The following COL14A1 variants were observed in gnomAD, a reference collection of about 807,000 sequenced individuals.
COL14A1 encodes the protein collagen type XIV alpha 1 chain, also known as collagen alpha-1(XIV) chain.
A neutral mutation model predicts 230.3 loss-of-function variants in COL14A1; 136 were observed. The observed-to-expected ratio is 0.59, with a 90% CI of 0.51 to 0.68. The LOEUF (loss-of-function observed/expected upper bound fraction) is 0.68, where lower values mean the gene tolerates loss of function less well. COL14A1 is among the 30% of genes least tolerant of loss of function. The pLI is 0.00. For synonymous variants in COL14A1, 792 were observed against 784.1 expected (o/e 1.01, Z -0.17); for missense variants, 1,976 against 2,215.8 (o/e 0.89, Z 2.17).
chr8:120,136,082 T>C (rs1282216581), intron 1 of COL14A1, among the ~76,000 whole-genome samples: 2 of 152,096 alleles, frequency 1.3e-5, no homozygotes, highest in African/African-American at 4.8e-5. Flanking sequence ...TTCCCATTCT[T>C]TCTGCCTTTT....
At chr8:120,166,901 TGTGTGTGTGTGTGTGTGTGTG>T (rs890106665) in intron 4 of COL14A1, among the ~76,000 whole-genome samples, 10 of 149,402 alleles carry the variant, frequency 6.7e-5, no homozygotes, top group African/African-American at 2.5e-4. Context: ...TGTGTGTGTG[TGTGTGTGTGTGTGTGTGTGTG>T]GTGGTGATGA....
rs1049390811 is a variant in COL14A1 at position 120,291,578 on chromosome 8, A to C, written c.4236+1812A>C. Among the ~76,000 whole-genome samples the C allele has an allele frequency of 6.6e-5, 10 of 151,124 alleles. No homozygotes were observed. The East Asian group carries it at 9.7e-4, about 15-fold the overall frequency. Reference sequence around the variant, plus strand: ...CCATCTCAAAAAAAAAAAAAAAAAAAAAACCAAAAAACCACAAAGAAAGAG... The same window carrying C: ...CCATCTCAAAAAAAAAAAAAAAAAACAAACCAAAAAACCACAAAGAAAGAG... On this transcript the variant is annotated intron_variant, in intron 34 of 47. Transcript: ENST00000297848.
At chr8:120,165,470 G>T (rs1014354714) in intron 4 of COL14A1, among the ~76,000 whole-genome samples, 2 of 152,196 alleles carry the variant, frequency 1.3e-5, no homozygotes, top group African/African-American at 4.8e-5. Context: ...TCCAGCCTCA[G>T]TTTCTTCACC....
chr8:120,320,286 C>T (rs1213541959), intron 40 of COL14A1, among the ~76,000 whole-genome samples: 1 of 152,134 alleles, frequency 6.6e-6, no homozygotes, highest in Non-Finnish European at 1.5e-5. Flanking sequence ...CTTAACAAGC[C>T]TGGACATTTA....
intron 40 of COL14A1, among the ~76,000 whole-genome samples, chr8:120,327,134 A>G (rs190833888): frequency 3.2e-4 from 48 of 152,338 alleles, no homozygotes; most frequent in Admixed American, 1.5e-3. Context: ...ATGACAGTCC[A>G]TGAAAAAAGT....
At chr8:120,332,992 T>G (rs1821923451) in intron 42 of COL14A1, among the ~76,000 whole-genome samples, 1 of 152,248 alleles carries the variant, frequency 6.6e-6, no homozygotes. Context: ...TGCTTGCTAT[T>G]CTGTATTTGG....
intron 14 of COL14A1, 120 bp from the exon 15 acceptor site, chr8:120,224,968 G>A (rs1393656512): frequency 7.1e-6 from 6 of 843,096 alleles, no homozygotes; most frequent in Admixed American, 3.0e-5. Flanking sequence ...TTATAATTCA[G>A]TAATTTGTTT....
intron 40 of COL14A1, among the ~76,000 whole-genome samples, chr8:120,325,039 A>G (rs1314503587): frequency 1.3e-5 from 2 of 152,204 alleles, no homozygotes; most frequent in African/African-American, 4.8e-5. Flanking sequence ...AGAAATGTTT[A>G]ATTAAATGTC....
chr8:120,155,330 A>G (rs1815435333), intron 2 of COL14A1, among the ~76,000 whole-genome samples: 1 of 151,882 alleles, frequency 6.6e-6, no homozygotes, highest in Admixed American at 6.6e-5. Context: ...AGCCGATGCC[A>G]CTCTTGGTTC....
intron 7 of COL14A1, 147 bp downstream of exon 7, chr8:120,198,077 C>A: frequency 1.3e-6 from 1 of 778,934 alleles, no homozygotes; most frequent in Non-Finnish European, 2.0e-6. Context: ...CCAAACTCAG[C>A]ATTGAGTTAA....
At chr8:120,364,846 A>G (rs951699584) in intron 45 of COL14A1, among the ~76,000 whole-genome samples, 1 of 151,820 alleles carries the variant, frequency 6.6e-6, no homozygotes, top group African/African-American at 2.4e-5. Flanking sequence ...TTATGCCACT[A>G]CACTCCAGCC....
chr8:120,277,167 C>A (rs1056453570), intron 26 of COL14A1, among the ~76,000 whole-genome samples: 1 of 152,054 alleles, frequency 6.6e-6, no homozygotes, highest in African/African-American at 2.4e-5. Flanking sequence ...ACATTTTGAC[C>A]TAGAATAGAC....
At chr8:120,307,127 A>T (rs1820878765) in intron 36 of COL14A1, among the ~76,000 whole-genome samples, 1 of 152,178 alleles carries the variant, frequency 6.6e-6, no homozygotes, top group South Asian at 2.1e-4. Flanking sequence ...TTGCTTCTTG[A>T]TCAAATTGGC....
At chr8:120,338,417 C>T (rs1563745649) in intron 42 of COL14A1, among the ~76,000 whole-genome samples, 2 of 152,084 alleles carry the variant, frequency 1.3e-5, no homozygotes, top group Admixed American at 6.5e-5. Context: ...GGGTTCAGGT[C>T]CCTGGTTTTT....
Position 120,145,538 on chromosome 8 carries a change from G to A in COL14A1, c.-37-2268G>A, listed in dbSNP as rs536469702. ...GGAGGCTGAGGCAGGAGAATCGCTT[G>A]AACCCAGGAGGCAAAGGTTGCAGTG... is the stretch of plus-strand genomic sequence containing the variant. On this transcript the variant is annotated intron_variant, in intron 1 of 47. Transcript: ENST00000297848. 5.3e-5 allele frequency among the ~76,000 whole-genome samples: 8 copies of A among 152,284 alleles called. No individual in the cohort carries two copies. The South Asian group carries it at 1.7e-3, about 32-fold the overall frequency.
chr8:120,354,490 A>G (rs1294963896), intron 45 of COL14A1, among the ~76,000 whole-genome samples: 1 of 151,622 alleles, frequency 6.6e-6, no homozygotes, highest in Non-Finnish European at 1.5e-5. Flanking sequence ...ATTTTTAGAG[A>G]GCAGAAGAAA....
intron 2 of COL14A1, among the ~76,000 whole-genome samples, chr8:120,153,104 T>A (rs1369905533): frequency 6.6e-6 from 1 of 152,114 alleles, no homozygotes; most frequent in Non-Finnish European, 1.5e-5. Flanking sequence ...AGTAAAAGTC[T>A]CTCAAAATTT....
rs992882230 is a variant in COL14A1 at position 120,370,117 on chromosome 8, C to T, written c.5311+632C>T. On this transcript the variant is annotated intron_variant, in intron 47 of 47. Transcript: ENST00000297848. ...TGCATGCTGGCGTGCTGTGCAATGG[C>T]CCCTTTTCTGACATAGTCACTCTTG... Among the ~76,000 whole-genome samples the T allele has an allele frequency of 5.3e-5, 8 of 152,276 alleles. No homozygotes were observed. The East Asian group carries it at 1.5e-3, about 29-fold the overall frequency.
intron 45 of COL14A1, among the ~76,000 whole-genome samples, chr8:120,366,498 A>G (rs146167840): frequency 6.6e-6 from 1 of 152,320 alleles, no homozygotes; most frequent in East Asian, 1.9e-4. Flanking sequence ...CTCACCTTTC[A>G]AGTGATCTTG....
Sources: allele counts gnomAD v4.1 joint callset (sites outside exome capture counted in the v4.1 genomes callset), GRCh38; gene constraint gnomAD v4.1.1; transcripts MANE v1.5; gene names NCBI Gene and HGNC (gene_info 2026-07-23, HGNC 2026-07-21).